KCNIP4: variants seen among roughly 807,000 people sequenced by gnomAD.
KCNIP4 encodes potassium voltage-gated channel interacting protein 4.
A neutral mutation model predicts 34.0 loss-of-function variants in KCNIP4; 12 were observed. That is an observed-to-expected ratio of 0.35 (90% CI 0.23 to 0.57). The LOEUF is 0.57. KCNIP4 is among the 20% of genes least tolerant of loss of function. The pLI is 0.83. For missense variants in KCNIP4, 238 were observed against 311.7 expected, an observed-to-expected ratio of 0.76 and a Z score of 1.78; for synonymous variants, 124 against 102.2, an observed-to-expected ratio of 1.21 and a Z score of -1.29.
intron 1 of KCNIP4, among the ~76,000 whole-genome samples, chr4:20,919,405 A>C (rs1729157628): frequency 1.4e-5 from 1 of 69,244 alleles, no homozygotes; most frequent in African/African-American, 4.6e-5. Context: ...TTTTTTCCAC[A>C]TTAAAAAAAA....
At chr4:21,453,244 T>C (rs1728662716) in intron 1 of KCNIP4, among the ~76,000 whole-genome samples, 1 of 152,076 alleles carries the variant, frequency 6.6e-6, no homozygotes, top group Admixed American at 6.6e-5. Flanking sequence ...TGGAAGAGGA[T>C]AATGACTTAA....
intron 1 of KCNIP4, among the ~76,000 whole-genome samples, chr4:21,387,309 A>G (rs1722118888): frequency 1.3e-5 from 2 of 152,194 alleles, no homozygotes; most frequent in Admixed American, 6.6e-5. Context: ...GACATTTTAA[A>G]CAAGAGGCAT....
At chr4:21,372,908 G>T (rs1462373416) in intron 1 of KCNIP4, among the ~76,000 whole-genome samples, 1 of 145,818 alleles carries the variant, frequency 6.9e-6, no homozygotes, top group Non-Finnish European at 1.5e-5. Context: ...TTCCCAATTT[G>T]ACAGGTAGGT....
intron 1 of KCNIP4, among the ~76,000 whole-genome samples, chr4:21,801,519 C>T (rs1720990551): frequency 6.6e-6 from 1 of 151,976 alleles, no homozygotes; most frequent in Non-Finnish European, 1.5e-5. Context: ...TGGAGGCAGG[C>T]GGAGGCATTA....
intron 1 of KCNIP4, among the ~76,000 whole-genome samples, chr4:21,052,065 T>C (rs1424131296): frequency 6.6e-6 from 1 of 152,196 alleles, no homozygotes; most frequent in Non-Finnish European, 1.5e-5. Flanking sequence ...AGATTCCATT[T>C]CTGCAATATT....
chr4:21,559,619 C>T (rs996251025), intron 1 of KCNIP4, among the ~76,000 whole-genome samples: 2 of 152,032 alleles, frequency 1.3e-5, no homozygotes, highest in Non-Finnish European at 2.9e-5. Context: ...GCCAGGAAAG[C>T]CACTTCAGAG....
intron 1 of KCNIP4, among the ~76,000 whole-genome samples, chr4:20,915,120 C>T (rs535562459): frequency 2.0e-5 from 3 of 152,310 alleles, no homozygotes; most frequent in African/African-American, 7.2e-5. Context: ...AATCTTCTAG[C>T]ATGACATATA....
intron 1 of KCNIP4, among the ~76,000 whole-genome samples, chr4:21,412,574 A>G (rs922308249): frequency 6.6e-6 from 1 of 152,224 alleles, no homozygotes; most frequent in African/African-American, 2.4e-5. Flanking sequence ...CTTGCTGATT[A>G]CTGGCAATCA....
At chr4:20,903,234 A>C (rs1727364011) in intron 1 of KCNIP4, among the ~76,000 whole-genome samples, 1 of 152,226 alleles carries the variant, frequency 6.6e-6, no homozygotes, top group Non-Finnish European at 1.5e-5. Context: ...ATTTAAGTGA[A>C]GTACCTTAGT....
At chr4:21,713,912 A>T (rs1024022211) in intron 1 of KCNIP4, among the ~76,000 whole-genome samples, 1 of 152,186 alleles carries the variant, frequency 6.6e-6, no homozygotes, top group African/African-American at 2.4e-5. Context: ...AATCACTCAA[A>T]AAAATTATAA....
chr4:21,074,762 C>G (rs927138488), intron 1 of KCNIP4, among the ~76,000 whole-genome samples: 11 of 152,118 alleles, frequency 7.2e-5, no homozygotes, highest in African/African-American at 2.4e-4. Flanking sequence ...CCTGCTTTCT[C>G]TTGTGGGCAT....
intron 1 of KCNIP4, among the ~76,000 whole-genome samples, chr4:21,282,459 A>AGTGTGT (rs34143880): frequency 1.2e-4 from 18 of 146,738 alleles, no homozygotes; most frequent in African/African-American, 2.5e-4. Context: ...AAGATGTGTG[A>AGTGTGT]GTGTGTGTGT....
chr4:20,833,913 G>T (rs1718731451), intron 3 of KCNIP4, among the ~76,000 whole-genome samples: 1 of 152,076 alleles, frequency 6.6e-6, no homozygotes, highest in Non-Finnish European at 1.5e-5. Context: ...ATATATTTTT[G>T]TTCCAAAGTA....
intron 1 of KCNIP4, among the ~76,000 whole-genome samples, chr4:21,920,487 A>G (rs1212161215): frequency 6.6e-6 from 1 of 152,076 alleles, no homozygotes; most frequent in East Asian, 1.9e-4. Flanking sequence ...GAGGTGGGTG[A>G]GGAATAAAAG....
At chr4:20,831,685 C>A (rs1031793406) in intron 3 of KCNIP4, among the ~76,000 whole-genome samples, 2 of 152,094 alleles carry the variant, frequency 1.3e-5, no homozygotes, top group African/African-American at 4.8e-5. Context: ...AATGATAATA[C>A]AAAGTATATT....
chr4:21,135,330 T>C (rs1751422334), intron 1 of KCNIP4, among the ~76,000 whole-genome samples: 1 of 152,216 alleles, frequency 6.6e-6, no homozygotes. Flanking sequence ...TAGACTGCAA[T>C]ATACATTCTT....
intron 1 of KCNIP4, among the ~76,000 whole-genome samples, chr4:21,280,190 G>A (rs1762692733): frequency 6.6e-6 from 1 of 152,166 alleles, no homozygotes; most frequent in Non-Finnish European, 1.5e-5. Flanking sequence ...TGCATATGAT[G>A]CAAAAGAAGG....
At chr4:20,872,367 T>C (rs79159761) in intron 2 of KCNIP4, among the ~76,000 whole-genome samples, 246 of 152,220 alleles carry the variant, frequency 1.6e-3, no homozygotes, top group African/African-American at 5.7e-3. Context: ...GATGGACCAA[T>C]ATTACCATCA....
chr4:21,715,838 G>C (rs1400490584), intron 1 of KCNIP4, among the ~76,000 whole-genome samples: 1 of 152,046 alleles, frequency 6.6e-6, no homozygotes, highest in Non-Finnish European at 1.5e-5. Flanking sequence ...CCATGATATG[G>C]TTTTCAATCT....
Sources: gnomAD v4.1 joint callset for allele counts (sites outside exome capture counted in the v4.1 genomes callset) on GRCh38, gnomAD v4.1.1 for gene constraint, MANE v1.5 for transcripts, NCBI Gene and HGNC (gene_info 2026-07-23, HGNC 2026-07-21) for gene names.